Variants in CTNNA3 observed in about 807,000 individuals in gnomAD.
CTNNA3 encodes catenin alpha-3.
CTNNA3 carries 76 observed loss-of-function variants against 95.7 expected under a neutral mutation model. The observed-to-expected ratio is 0.79, with a 90% CI of 0.66 to 0.96. CTNNA3 has a LOEUF of 0.96. Ranked by LOEUF, CTNNA3 falls within the 40% of genes least tolerant of loss-of-function variation. The probability of loss-of-function intolerance (pLI) is 0.00; values close to 1 mark genes in which losing one functional copy is unlikely to be tolerated. For missense variants in CTNNA3, 1,191 were observed against 1,089.8 expected, an observed-to-expected ratio of 1.09 and a Z score of -1.31; for synonymous variants, 431 against 374.4, an observed-to-expected ratio of 1.15 and a Z score of -1.74.
chr10:66,779,144 A>G (rs1340889372), intron 7 of CTNNA3, among the ~76,000 whole-genome samples: 1 of 152,122 alleles, frequency 6.6e-6, no homozygotes, highest in Non-Finnish European at 1.5e-5. Context: ...GAAATTAAGA[A>G]CAAAGTCTTG....
intron 7 of CTNNA3, among the ~76,000 whole-genome samples, chr10:67,070,100 G>A: frequency 6.6e-6 from 1 of 152,128 alleles, no homozygotes; most frequent in South Asian, 2.1e-4. Context: ...TCGTCAGTGT[G>A]TAGTATTATC....
chr10:67,554,507 G>C (rs1841159332), intron 3 of CTNNA3, among the ~76,000 whole-genome samples: 2 of 152,232 alleles, frequency 1.3e-5, no homozygotes, highest in South Asian at 4.1e-4. Flanking sequence ...CTGATGGCCA[G>C]TGATTGTGAG....
intron 5 of CTNNA3, among the ~76,000 whole-genome samples, chr10:67,317,129 G>T (rs1841086911): frequency 6.6e-6 from 1 of 151,950 alleles, no homozygotes; most frequent in African/African-American, 2.4e-5. Flanking sequence ...ATTATCTGTT[G>T]ATTTCATAAG....
At chr10:66,721,724 G>A (rs1216541872) in intron 9 of CTNNA3, among the ~76,000 whole-genome samples, 2 of 152,202 alleles carry the variant, frequency 1.3e-5, no homozygotes, top group African/African-American at 2.4e-5. Context: ...TGGGAGCAAC[G>A]AGAGGGCTCT....
intron 5 of CTNNA3, among the ~76,000 whole-genome samples, chr10:67,240,454 T>C (rs1179182424): frequency 2.0e-5 from 3 of 152,132 alleles, no homozygotes; most frequent in Non-Finnish European, 1.5e-5. Flanking sequence ...GAAACAACAG[T>C]AGGCTTCAGG....
rs139648959 is a variant in CTNNA3, at chr10:66,170,103, T to C, written c.1885-66854A>G. On this transcript the variant is annotated intron_variant, in intron 13 of 17. Coordinates refer to ENST00000433211, the MANE Select transcript of CTNNA3 (RefSeq NM_013266.4). Reference sequence around the variant, plus strand: ...GTCATGAAATCTTTGCCCAAGCCAATGTCTAGAAGGGTTTTTCTGATGTTA... The same window carrying C: ...GTCATGAAATCTTTGCCCAAGCCAACGTCTAGAAGGGTTTTTCTGATGTTA... 6.6e-3 allele frequency among the ~76,000 whole-genome samples: 1,010 copies of C among 152,242 alleles called. 21 individuals are homozygous for C. Among genetic ancestry groups the C allele is most frequent in the African/African-American group, 0.023 (940 of 41,558 alleles).
At chr10:66,334,802 C>A (rs2092375734) in intron 12 of CTNNA3, among the ~76,000 whole-genome samples, 1 of 152,082 alleles carries the variant, frequency 6.6e-6, no homozygotes, top group South Asian at 2.1e-4. Flanking sequence ...TGGGGAAGTT[C>A]TCCTGGATAA....
chr10:67,349,594 A>G (rs1842557596), intron 5 of CTNNA3, among the ~76,000 whole-genome samples: 1 of 152,218 alleles, frequency 6.6e-6, no homozygotes, highest in South Asian at 2.1e-4. Flanking sequence ...TAAAGTTTCA[A>G]TTAATCAAGA....
chr10:66,811,183 A>C (rs1034586576), intron 7 of CTNNA3, among the ~76,000 whole-genome samples: 2 of 152,186 alleles, frequency 1.3e-5, no homozygotes, highest in African/African-American at 4.8e-5. Flanking sequence ...AAACAGTGAA[A>C]AATTAGAATG....
At chr10:66,591,417 A>T (rs1040728039) in intron 10 of CTNNA3, among the ~76,000 whole-genome samples, 5 of 152,148 alleles carry the variant, frequency 3.3e-5, no homozygotes, top group Non-Finnish European at 1.5e-5. Context: ...GAAGGAAAAG[A>T]TATCATTTTG....
At chr10:67,097,776 C>G in intron 7 of CTNNA3, 1 of 1,612,274 alleles carries the variant, frequency 6.2e-7, no homozygotes, top group South Asian at 1.1e-5. Flanking sequence ...AATCAGTGAC[C>G]ATAAACAGCA....
intron 5 of CTNNA3, among the ~76,000 whole-genome samples, chr10:67,416,046 A>G (rs1192552644): frequency 6.6e-6 from 1 of 152,208 alleles, no homozygotes; most frequent in Non-Finnish European, 1.5e-5. Flanking sequence ...TAAAAATCCT[A>G]GAAGAAAACC....
At chr10:66,507,780 C>G (rs1305843379) in intron 11 of CTNNA3, among the ~76,000 whole-genome samples, 2 of 152,076 alleles carry the variant, frequency 1.3e-5, no homozygotes, top group African/African-American at 4.8e-5. Context: ...ATTCCATACC[C>G]TGGCTATTGA....
At position 66,863,180 on chromosome 10, in the gene CTNNA3, T is replaced by TACACACACAC. The variant is rs71035194; in HGVS notation, c.1048-87666_1048-87657dup. On this transcript the variant is annotated intron_variant, in intron 7 of 17. Coordinates refer to ENST00000433211, the MANE Select transcript of CTNNA3 (RefSeq NM_013266.4). ...TCCATAATCACATGAGCCAATTCTT[T>TACACACACAC]ACACACACACACACACACACACACA... is the stretch of plus-strand genomic sequence containing the variant. Among the ~76,000 whole-genome samples, 385 of 147,888 alleles carry TACACACACAC rather than the reference T, an allele frequency of 2.6e-3. 2 individuals carry two copies. The highest frequency in any genetic ancestry group is 3.6e-3 in the Non-Finnish European group (243 of 67,202).
intron 14 of CTNNA3, among the ~76,000 whole-genome samples, chr10:66,087,476 G>A (rs1473627796): frequency 1.3e-5 from 2 of 152,056 alleles, no homozygotes; most frequent in Non-Finnish European, 2.9e-5. Flanking sequence ...AATGCACAGG[G>A]CAGCTACTAC....
chr10:67,183,974 T>A (rs894846943), intron 6 of CTNNA3, among the ~76,000 whole-genome samples: 1 of 151,612 alleles, frequency 6.6e-6, no homozygotes, highest in Non-Finnish European at 1.5e-5. Context: ...CAAAAAGGAG[T>A]CAGAAGGAGC....
chr10:66,970,883 T>A (rs1456090035), intron 7 of CTNNA3, among the ~76,000 whole-genome samples: 1 of 152,100 alleles, frequency 6.6e-6, no homozygotes, highest in Non-Finnish European at 1.5e-5. Context: ...ATAATACAGA[T>A]CTCAAGAATT....
chr10:67,438,187 A>T (rs149627555), intron 5 of CTNNA3, among the ~76,000 whole-genome samples: 1 of 152,214 alleles, frequency 6.6e-6, no homozygotes, highest in African/African-American at 2.4e-5. Flanking sequence ...CAGTTTGGGC[A>T]TGATGGGAAT....
rs1864377598 is a variant in CTNNA3, at chr10:67,216,620, T to G, written c.843+2987A>C. Reference sequence around the variant, plus strand: ...GATATAACAGTAAACAATGACTGTATGAATGATGATACATGAATATGTAAA... The same window carrying G: ...GATATAACAGTAAACAATGACTGTAGGAATGATGATACATGAATATGTAAA... On this transcript the variant is annotated intron_variant, in intron 6 of 17. Transcript: ENST00000433211. 2.0e-5 allele frequency among the ~76,000 whole-genome samples: 3 copies of G among 152,324 alleles called. No individual in the cohort carries two copies. The South Asian group carries it at 6.2e-4, about 32-fold the overall frequency.
Sources: allele counts gnomAD v4.1 joint callset (sites outside exome capture counted in the v4.1 genomes callset), GRCh38; gene constraint gnomAD v4.1.1; transcripts MANE v1.5; gene names NCBI Gene and HGNC (gene_info 2026-07-23, HGNC 2026-07-21).